Variants in SNTG1 observed in about 807,000 individuals in gnomAD.
SNTG1 encodes syntrophin gamma 1.
A neutral mutation model predicts 74.7 loss-of-function variants in SNTG1; 39 were observed. The observed-to-expected ratio is 0.52, with a 90% CI of 0.40 to 0.68. The LOEUF is 0.68. Among genes scored for constraint, SNTG1 ranks in the 30% least tolerant of loss-of-function variants. The pLI is 0.00. For synonymous variants in SNTG1, 254 were observed against 217.1 expected (o/e 1.17, Z -1.49); for missense variants, 685 against 609.5 (o/e 1.12, Z -1.30).
At chr8:50,588,397 G>A (rs1018267421) in intron 12 of SNTG1, among the ~76,000 whole-genome samples, 5 of 152,152 alleles carry the variant, frequency 3.3e-5, no homozygotes, top group Middle Eastern at 3.4e-3. Flanking sequence ...GGTAACAGGC[G>A]GACGGAGTTT....
At chr8:50,743,959 A>G (rs2095549508) in intron 17 of SNTG1, among the ~76,000 whole-genome samples, 1 of 134,186 alleles carries the variant, frequency 7.5e-6, no homozygotes, top group Non-Finnish European at 1.5e-5. Flanking sequence ...TGGCAAAAAT[A>G]GGAGCAGAGA....
intron 17 of SNTG1, among the ~76,000 whole-genome samples, chr8:50,721,297 A>C (rs1242999958): frequency 1.3e-5 from 2 of 152,182 alleles, no homozygotes; most frequent in East Asian, 3.9e-4. Context: ...TCAAAAATAA[A>C]AAGTTAGGGC....
rs896844254 is a variant in SNTG1, at chr8:50,794,639, T to C, written c.*1810T>C. ...CAGTAGTAGGCCACTTCTGAACTTA[T>C]GGAGAAAAAGCAGTGGGATACATCG... On this transcript the variant is annotated 3_prime_UTR_variant, in exon 19 of 19. Coordinates refer to ENST00000642720, the MANE Select transcript of SNTG1 (RefSeq NM_018967.5). The C allele has an allele frequency of 6.6e-6, 1 of 152,010 alleles. No homozygotes were observed. Among genetic ancestry groups the C allele is most frequent in the African/African-American group, 2.4e-5 (1 of 41,428 alleles). 9.4% of individuals were successfully genotyped at this position (152,010 alleles called of 1,614,324 possible). A position where few individuals can be genotyped will look rare whatever the true frequency, so the allele number is the denominator to read the frequency against.
intron 1 of SNTG1, among the ~76,000 whole-genome samples, chr8:50,154,721 G>A (rs908566578): frequency 6.6e-6 from 1 of 152,102 alleles, no homozygotes; most frequent in Admixed American, 6.5e-5. Flanking sequence ...AAATCACCTG[G>A]CCTATACTGA....
intron 2 of SNTG1, among the ~76,000 whole-genome samples, chr8:50,268,759 C>A (rs2087615851): frequency 6.6e-6 from 1 of 151,874 alleles, no homozygotes; most frequent in South Asian, 2.1e-4. Context: ...TGAGTTCAAG[C>A]AATTCTCATG....
chr8:50,206,637 C>T (rs1022147325), intron 2 of SNTG1, among the ~76,000 whole-genome samples: 1 of 152,164 alleles, frequency 6.6e-6, no homozygotes, highest in Admixed American at 6.5e-5. Context: ...GCATCCCTGT[C>T]TTGTGCCAGT....
At chr8:50,269,968 A>C (rs1248834632) in intron 2 of SNTG1, among the ~76,000 whole-genome samples, 1 of 152,174 alleles carries the variant, frequency 6.6e-6, no homozygotes, top group Non-Finnish European at 1.5e-5. Flanking sequence ...TTCTTTCTCC[A>C]TGTGTTTTTA....
chr8:50,108,981 G>A (rs2080483472), intron 1 of SNTG1, among the ~76,000 whole-genome samples: 1 of 152,178 alleles, frequency 6.6e-6, no homozygotes, highest in East Asian at 1.9e-4. Flanking sequence ...CGGGTAGGCA[G>A]GGAGTAGGAA....
chr8:50,103,546 C>A (rs541004470), intron 1 of SNTG1, among the ~76,000 whole-genome samples: 55 of 152,270 alleles, frequency 3.6e-4, no homozygotes, highest in Non-Finnish European at 7.3e-4. Flanking sequence ...ATCGAATACC[C>A]TTTATTTCCT....
intron 2 of SNTG1, among the ~76,000 whole-genome samples, chr8:50,222,662 C>T (rs1022434504): frequency 3.3e-5 from 5 of 152,166 alleles, no homozygotes; most frequent in East Asian, 1.9e-4. Flanking sequence ...ATTAGTTTGC[C>T]GCTAGGGATT....
intron 13 of SNTG1, among the ~76,000 whole-genome samples, chr8:50,655,947 G>A (rs1342437318): frequency 6.6e-6 from 1 of 152,048 alleles, no homozygotes; most frequent in Non-Finnish European, 1.5e-5. Flanking sequence ...CCTATCCTGG[G>A]TATGAGTTTT....
chr8:50,507,581 AT>A (rs1440970634), intron 9 of SNTG1, among the ~76,000 whole-genome samples: 1 of 151,522 alleles, frequency 6.6e-6, no homozygotes, highest in Non-Finnish European at 1.5e-5. Flanking sequence ...AAGGTTATCT[AT>A]TTTTTCTAGA....
chr8:50,232,031 C>A (rs1362072063), intron 2 of SNTG1, among the ~76,000 whole-genome samples: 1 of 151,336 alleles, frequency 6.6e-6, no homozygotes, highest in African/African-American at 2.4e-5. Flanking sequence ...AACACCAATT[C>A]TATGCAACGT....
At chr8:50,765,277 GTA>G (rs1278770716) in intron 18 of SNTG1, among the ~76,000 whole-genome samples, 1 of 151,992 alleles carries the variant, frequency 6.6e-6, no homozygotes, top group East Asian at 1.9e-4. Context: ...ATCAATTATT[GTA>G]TAACAGTTTC....
chr8:50,325,062 G>C (rs1444501284), intron 2 of SNTG1, among the ~76,000 whole-genome samples: 1 of 41,408 alleles, frequency 2.4e-5, no homozygotes, highest in African/African-American at 3.7e-5. Context: ...CCCAGAAATA[G>C]ACCCACCAAA....
chr8:49,928,407 T>A (rs1463974437), intron 1 of SNTG1, among the ~76,000 whole-genome samples: 1 of 151,898 alleles, frequency 6.6e-6, no homozygotes, highest in Non-Finnish European at 1.5e-5. Flanking sequence ...ATTTTTTTAT[T>A]TTTAGTAGAG....
Position 50,140,901 on chromosome 8 carries a change from G to C in SNTG1, c.-102-31660G>C, listed in dbSNP as rs373671662. Among the ~76,000 whole-genome samples, 8 of 152,248 alleles carry C rather than the reference G, an allele frequency of 5.3e-5. No individual in the cohort carries two copies. The East Asian group carries it at 9.7e-4, about 18-fold the overall frequency. Reference sequence around the variant, plus strand: ...TGGTTCCATTATAAAGAAGTAGGTTGAGGGAGCAACCATCTAAGCTCTTTA... The same window carrying C: ...TGGTTCCATTATAAAGAAGTAGGTTCAGGGAGCAACCATCTAAGCTCTTTA... On this transcript the variant is annotated intron_variant, in intron 1 of 18. Transcript: ENST00000642720.
At chr8:50,077,224 T>TA (rs1239255655) in intron 1 of SNTG1, among the ~76,000 whole-genome samples, 8 of 152,178 alleles carry the variant, frequency 5.3e-5, no homozygotes, top group Non-Finnish European at 1.0e-4. Flanking sequence ...GAATTATTCT[T>TA]ACATTTTTTC....
intron 1 of SNTG1, among the ~76,000 whole-genome samples, chr8:50,072,846 G>A (rs79317894): frequency 6.6e-6 from 1 of 152,284 alleles, no homozygotes; most frequent in Non-Finnish European, 1.5e-5. Context: ...CGGTTTAACT[G>A]CAGTGTACTA....
Sources: allele counts gnomAD v4.1 joint callset (sites outside exome capture counted in the v4.1 genomes callset), GRCh38; gene constraint gnomAD v4.1.1; transcripts MANE v1.5; gene names NCBI Gene and HGNC (gene_info 2026-07-23, HGNC 2026-07-21).